The following SLC9D1 variants were observed in gnomAD, a reference collection of about 807,000 sequenced individuals.
SLC9D1 encodes the protein putative LAG1-interacting protein.
the SLC9D1 span, chr13:113,501,817 T>C: frequency 6.2e-7 from 1 of 1,610,290 alleles, no homozygotes; most frequent in Admixed American, 1.7e-5. Context: ...TAGGATTGCC[T>C]ACAATGTTTG....
chr13:113,549,940 A>G, the SLC9D1 span: 144,788 of 440,088 alleles, frequency 0.33, 27,263 homozygotes, highest in African/African-American at 0.63. Flanking sequence ...ATAATCTGTT[A>G]GTCAAATATT....
chr13:113,504,492 AC>A, the SLC9D1 span: 1 of 152,010 alleles, frequency 6.6e-6, no homozygotes, highest in Non-Finnish European at 1.5e-5. Context: ...GCCACCCACC[AC>A]CCTTTGCCCC....
the SLC9D1 span, chr13:113,510,410 G>A: frequency 3.1e-6 from 5 of 1,612,460 alleles, no homozygotes; most frequent in Admixed American, 1.7e-5. Flanking sequence ...GGCAGTGCTC[G>A]GGGTGACAAA....
chr13:113,509,046 G>GGAGCTT, the SLC9D1 span, among the ~76,000 whole-genome samples: 2 of 140,266 alleles, frequency 1.4e-5, no homozygotes, highest in Non-Finnish European at 3.0e-5. Flanking sequence ...CCCTGACACT[G>GGAGCTT]CCTGTGTATG....
At chr13:113,534,469 A>G in the SLC9D1 span, 1 of 540,870 alleles carries the variant, frequency 1.8e-6, no homozygotes, top group Non-Finnish European at 3.2e-6. Flanking sequence ...CTTTGCTAAA[A>G]TAGTGTTTGT....
the SLC9D1 span, chr13:113,536,574 T>C: frequency 1.0e-6 from 1 of 985,330 alleles, no homozygotes; most frequent in Non-Finnish European, 1.2e-6. Flanking sequence ...TCTGGACAAC[T>C]TCCGTGTTGC....
At chr13:113,548,129 G>T in the SLC9D1 span, among the ~76,000 whole-genome samples, 240 of 152,270 alleles carry the variant, frequency 1.6e-3, 7 homozygotes, top group East Asian at 0.039. Flanking sequence ...AAGAGGTTTT[G>T]CGTGTATTTG....
At chr13:113,536,502 A>G in the SLC9D1 span, 6 of 871,686 alleles carry the variant, frequency 6.9e-6, no homozygotes, top group Non-Finnish European at 8.3e-6. Context: ...AAATTCTTAC[A>G]TTGTTTTATC....
the SLC9D1 span, chr13:113,547,203 C>T: frequency 5.5e-6 from 5 of 915,670 alleles, no homozygotes; most frequent in Admixed American, 2.0e-5. Flanking sequence ...ATTTTAATTC[C>T]TGTATTGAAG....
the SLC9D1 span, among the ~76,000 whole-genome samples, chr13:113,533,502 G>A: frequency 6.6e-6 from 1 of 152,232 alleles, no homozygotes; most frequent in African/African-American, 2.4e-5. Context: ...GGCAGATAGT[G>A]GATGTCCGCT....
chr13:113,542,416 C>T, the SLC9D1 span, among the ~76,000 whole-genome samples: 73 of 152,288 alleles, frequency 4.8e-4, no homozygotes, highest in Middle Eastern at 3.4e-3. Flanking sequence ...GATGTGTGCT[C>T]TCAGTGGGCA....
the SLC9D1 span, among the ~76,000 whole-genome samples, chr13:113,543,035 CCG>C: frequency 1.4e-4 from 16 of 116,906 alleles, no homozygotes; most frequent in South Asian, 2.8e-4. Context: ...CCCCGGCCCT[CCG>C]TGTGTGTGAC....
At chr13:113,517,333 C>T in the SLC9D1 span, among the ~76,000 whole-genome samples, 5 of 152,124 alleles carry the variant, frequency 3.3e-5, no homozygotes, top group Non-Finnish European at 5.9e-5. Flanking sequence ...CCCGGGTTCA[C>T]GCCATTCTCC....
At chr13:113,525,397 C>T in the SLC9D1 span, among the ~76,000 whole-genome samples, 1 of 152,158 alleles carries the variant, frequency 6.6e-6, no homozygotes, top group African/African-American at 2.4e-5. Context: ...AGGCATGGTA[C>T]GGAATACTTG....
At chr13:113,510,216 G>T in the SLC9D1 span, 1 of 1,607,064 alleles carries the variant, frequency 6.2e-7, no homozygotes, top group South Asian at 1.1e-5. Flanking sequence ...AAAAGTGTGT[G>T]ACTCACTGTG....
At chr13:113,526,844 C>T in the SLC9D1 span, among the ~76,000 whole-genome samples, 2 of 152,264 alleles carry the variant, frequency 1.3e-5, no homozygotes, top group African/African-American at 4.8e-5. Flanking sequence ...GTCCTGCAAG[C>T]GCCCTGTACA....
chr13:113,542,315 G>A, the SLC9D1 span, among the ~76,000 whole-genome samples: 641 of 16,620 alleles, frequency 0.039, 111 homozygotes, highest in East Asian at 0.15. Flanking sequence ...TACGCACACG[G>A]TCGCTGATCA....
At chr13:113,500,009 A>G in the SLC9D1 span, 4 of 1,583,756 alleles carry the variant, frequency 2.5e-6, no homozygotes, top group Non-Finnish European at 3.4e-6. Context: ...AGAAGAGGCC[A>G]ATTCTAAGCA....
At chr13:113,494,313 A>G in the SLC9D1 span, among the ~76,000 whole-genome samples, 18 of 151,888 alleles carry the variant, frequency 1.2e-4, no homozygotes, top group Non-Finnish European at 2.4e-4. Flanking sequence ...CACGGACTCT[A>G]CGTTTATTAC....
Sources: allele counts gnomAD v4.1 joint callset (sites outside exome capture counted in the v4.1 genomes callset), GRCh38; gene constraint gnomAD v4.1.1; transcripts MANE v1.5; gene names NCBI Gene and HGNC (gene_info 2026-07-23, HGNC 2026-07-21).